The following DISC1 variants were observed in gnomAD, a reference collection of about 807,000 sequenced individuals.
DISC1 encodes disrupted in schizophrenia 1 protein.
In DISC1, 57 loss-of-function variants were observed where a neutral mutation model predicts 84.5. That is an observed-to-expected ratio of 0.67 (90% CI 0.55 to 0.84). The LOEUF (loss-of-function observed/expected upper bound fraction) is 0.84. Among genes scored for constraint, DISC1 ranks in the 40% least tolerant of loss-of-function variants. DISC1 has a pLI of 0.00. For synonymous variants in DISC1, 411 were observed against 415.2 expected, an observed-to-expected ratio of 0.99 and a Z score of 0.12; for missense variants, 1,000 against 1,057.8, an observed-to-expected ratio of 0.95 and a Z score of 0.76.
intron 9 of DISC1, among the ~76,000 whole-genome samples, chr1:231,865,790 C>T (rs1280884497): frequency 6.6e-6 from 1 of 152,158 alleles, no homozygotes; most frequent in African/African-American, 2.4e-5. Context: ...GCCAGTGTGC[C>T]TCTTAGTTCC....
At position 231,800,364 on chromosome 1, in the gene DISC1, A is replaced by G. The variant is rs185970230; in HGVS notation, c.1792+154A>G. Among the ~76,000 whole-genome samples, 6 of 152,310 alleles carry G rather than the reference A, an allele frequency of 3.9e-5. No homozygotes were observed. In the East Asian group the frequency reaches 1.2e-3, roughly 29 times the overall value. ...TGGGAAGTTTCACTAATATGCACATAATATAGCACAAGGTGTTTAAGTGAG... is the reference window on the plus strand; with the variant it reads ...TGGGAAGTTTCACTAATATGCACATGATATAGCACAAGGTGTTTAAGTGAG... On this transcript the variant is annotated intron_variant, in intron 8 of 12. Transcript: ENST00000439617.
chr1:232,018,657 G>A (rs763716828), intron 11 of DISC1, among the ~76,000 whole-genome samples: 1 of 152,130 alleles, frequency 6.6e-6, no homozygotes, highest in Non-Finnish European at 1.5e-5. Flanking sequence ...TCAGGCCTAC[G>A]GGTTTTGATC....
chr1:231,825,205 C>A (rs567314776), intron 9 of DISC1, among the ~76,000 whole-genome samples: 1 of 152,180 alleles, frequency 6.6e-6, no homozygotes, highest in Non-Finnish European at 1.5e-5. Context: ...TGTTTCTATA[C>A]TCCCTTAAAA....
intron 8 of DISC1, among the ~76,000 whole-genome samples, chr1:231,801,268 A>G (rs921029524): frequency 6.7e-6 from 1 of 150,172 alleles, no homozygotes; most frequent in Non-Finnish European, 1.5e-5. Context: ...TTATGGGCCC[A>G]TTTGCTGAGA....
chr1:232,039,705 A>C lies in DISC1; in HGVS notation c.*2874A>C, dbSNP rs1050889700. 1 of 152,126 alleles carries C rather than the reference A, an allele frequency of 6.6e-6. No individual in the cohort carries two copies. The highest frequency in any genetic ancestry group is 1.5e-5 in the Non-Finnish European group (1 of 68,034). The allele number at this position is 152,126 out of a possible 1,614,324, so 9.4% of individuals were successfully genotyped here. On this transcript the variant is annotated 3_prime_UTR_variant, in exon 13 of 13. Coordinates refer to ENST00000439617, the MANE Select transcript of DISC1 (RefSeq NM_018662.3). Reference sequence around the variant, plus strand: ...ACTATACAGCAGTTTTTGTCAGGGGAACATAAAAATATCCAAGAGAGGTTA... The same window carrying C: ...ACTATACAGCAGTTTTTGTCAGGGGCACATAAAAATATCCAAGAGAGGTTA...
At chr1:231,936,190 G>A (rs2090971994) in intron 9 of DISC1, among the ~76,000 whole-genome samples, 1 of 151,682 alleles carries the variant, frequency 6.6e-6, no homozygotes, top group Admixed American at 6.6e-5. Flanking sequence ...TCACGGCCCT[G>A]GGGTCATCTA....
chr1:231,806,670 C>T (rs2079743153), intron 8 of DISC1, among the ~76,000 whole-genome samples: 1 of 151,428 alleles, frequency 6.6e-6, no homozygotes, highest in African/African-American at 2.4e-5. Context: ...GGCCTCTTCT[C>T]CCAGGAGGCA....
At chr1:231,837,029 A>C (rs1168179608) in intron 9 of DISC1, among the ~76,000 whole-genome samples, 1 of 152,228 alleles carries the variant, frequency 6.6e-6, no homozygotes, top group Non-Finnish European at 1.5e-5. Flanking sequence ...ATTTAATAGC[A>C]TCTATGAAGA....
At chr1:231,865,116 A>G (rs919691302) in intron 9 of DISC1, among the ~76,000 whole-genome samples, 1 of 152,148 alleles carries the variant, frequency 6.6e-6, no homozygotes, top group African/African-American at 2.4e-5. Context: ...AACTCACTCC[A>G]TTTGCCGAGG....
chr1:231,954,896 A>G lies in DISC1; in HGVS notation c.1982-3932A>G, dbSNP rs190943749. Among the ~76,000 whole-genome samples the G allele has an allele frequency of 1.3e-4, 20 of 152,324 alleles. No individual in the cohort carries two copies. The highest frequency in any genetic ancestry group is 1.3e-4 in the Admixed American group (2 of 15,306). ...TGGGAGATAAGTTGGGTCCAAAGAA[A>G]GTAATAGTTCAACATAGCATTCTCC... On this transcript the variant is annotated intron_variant, in intron 9 of 12. Transcript: ENST00000439617. The surrounding 1 kb of genome is among the most constrained non-coding windows in gnomAD (Gnocchi z 4.8).
At chr1:231,687,209 G>A (rs2064392662) in intron 1 of DISC1, among the ~76,000 whole-genome samples, 2 of 152,124 alleles carry the variant, frequency 1.3e-5, no homozygotes, top group South Asian at 4.2e-4. Context: ...TTTCAGGAAT[G>A]CCCCACTCTA....
rs181201277 is a variant in DISC1 at position 231,799,168 on chromosome 1, A to G, written c.1690-940A>G. Among the ~76,000 whole-genome samples, 315 of 152,288 alleles carry G rather than the reference A, an allele frequency of 2.1e-3. 1 individual carries two copies. Among genetic ancestry groups the G allele is most frequent in the African/African-American group, 7.0e-3 (293 of 41,574 alleles). On this transcript the variant is annotated intron_variant, in intron 7 of 12. Transcript: ENST00000439617. ...TTTTGCTATTTTTGAAAAACCAAAG[A>G]AAAAAACTGTAGGATGTGTTTGGAA...
intron 10 of DISC1, among the ~76,000 whole-genome samples, chr1:231,987,855 T>C (rs1664666596): frequency 1.3e-5 from 2 of 152,206 alleles, no homozygotes; most frequent in Non-Finnish European, 2.9e-5. Flanking sequence ...TGAGTGCATG[T>C]GACTTGGCAA....
intron 6 of DISC1, among the ~76,000 whole-genome samples, chr1:231,780,848 A>G (rs1258927523): frequency 1.8e-5 from 2 of 109,340 alleles, no homozygotes; most frequent in Middle Eastern, 3.9e-3. Flanking sequence ...TGATGAGTTC[A>G]TGTCCTTTGT....
chr1:231,832,443 G>A (rs1277154043), intron 9 of DISC1, among the ~76,000 whole-genome samples: 1 of 152,132 alleles, frequency 6.6e-6, no homozygotes, highest in African/African-American at 2.4e-5. Flanking sequence ...AAGGGATTGA[G>A]GTTTGGGAGA....
At chr1:232,023,093 T>C (rs1312200745) in intron 11 of DISC1, among the ~76,000 whole-genome samples, 1 of 93,786 alleles carries the variant, frequency 1.1e-5, no homozygotes, top group Non-Finnish European at 2.5e-5. Flanking sequence ...ATTAGGGTTT[T>C]TGATAACTTT....
At chr1:231,894,737 GTCA>G (rs2087543264) in intron 9 of DISC1, among the ~76,000 whole-genome samples, 2 of 135,494 alleles carry the variant, frequency 1.5e-5, no homozygotes, top group African/African-American at 2.8e-5. Flanking sequence ...AGATTTGTGT[GTCA>G]TCTGTTGTGT....
At chr1:231,835,770 G>T (rs1008851752) in intron 9 of DISC1, among the ~76,000 whole-genome samples, 6 of 152,084 alleles carry the variant, frequency 3.9e-5, no homozygotes, top group African/African-American at 1.2e-4. Flanking sequence ...GTGTGTATTT[G>T]TGAAATTAAC....
chr1:231,820,977 A>T (rs151251369), intron 9 of DISC1, among the ~76,000 whole-genome samples: 12 of 152,326 alleles, frequency 7.9e-5, no homozygotes, highest in Non-Finnish European at 1.6e-4. Flanking sequence ...TGTATCTCTA[A>T]TGATGCACCT....
Sources: allele counts gnomAD v4.1 joint callset (sites outside exome capture counted in the v4.1 genomes callset), GRCh38; gene constraint gnomAD v4.1.1; non-coding constraint Gnocchi (gnomAD v3.1); transcripts MANE v1.5; gene names NCBI Gene and HGNC (gene_info 2026-07-23, HGNC 2026-07-21).